The following LUZP2 variants were observed in gnomAD, a reference collection of about 807,000 sequenced individuals.
LUZP2 encodes the protein leucine zipper protein 2.
LUZP2 carries 52 observed loss-of-function variants against 51.6 expected under a neutral mutation model. That is an observed-to-expected ratio of 1.01 (90% CI 0.81 to 1.27). The LOEUF (loss-of-function observed/expected upper bound fraction) is 1.27, where lower values mean the gene tolerates loss of function less well. LUZP2 is among the 50% of genes most tolerant of loss of function. The pLI, the probability that LUZP2 is intolerant of heterozygous loss-of-function variation, is 0.00. For missense variants in LUZP2, 436 were observed against 395.4 expected, an observed-to-expected ratio of 1.10 and a Z score of -0.87; for synonymous variants, 154 against 137.3, an observed-to-expected ratio of 1.12 and a Z score of -0.85.
At chr11:24,879,096 C>T (rs1328398102) in intron 5 of LUZP2, among the ~76,000 whole-genome samples, 2 of 152,050 alleles carry the variant, frequency 1.3e-5, no homozygotes, top group Non-Finnish European at 2.9e-5. Context: ...AGGCGCCCAC[C>T]ACCATGCCCG....
intron 1 of LUZP2, among the ~76,000 whole-genome samples, chr11:24,499,983 A>C (rs1849943443): frequency 6.6e-6 from 1 of 152,148 alleles, no homozygotes; most frequent in Non-Finnish European, 1.5e-5. Context: ...TTTAAACAGA[A>C]ATTTTTGAAT....
chr11:24,705,431 G>A (rs999557532), intron 1 of LUZP2, among the ~76,000 whole-genome samples: 2 of 152,106 alleles, frequency 1.3e-5, no homozygotes, highest in South Asian at 2.1e-4. Context: ...ATGAAATTCC[G>A]GAACAGTATA....
intron 5 of LUZP2, among the ~76,000 whole-genome samples, chr11:24,894,453 G>T (rs1309911621): frequency 6.6e-6 from 1 of 152,102 alleles, no homozygotes; most frequent in Non-Finnish European, 1.5e-5. Context: ...GGGATTACAG[G>T]CATGAGCCAC....
At chr11:25,063,016 A>C (rs1164325918) in intron 10 of LUZP2, among the ~76,000 whole-genome samples, 1 of 150,474 alleles carries the variant, frequency 6.6e-6, no homozygotes, top group Non-Finnish European at 1.5e-5. Context: ...TAAATTTTGT[A>C]TTTTTTTTCA....
intron 10 of LUZP2, among the ~76,000 whole-genome samples, chr11:25,053,510 C>T (rs988266): frequency 0.37 from 55,440 of 150,370 alleles, 12,466 homozygotes; most frequent in East Asian, 0.78. Flanking sequence ...AGTTTCAGAA[C>T]ATTTTCATCT....
At chr11:24,950,927 GT>G (rs941703648) in intron 7 of LUZP2, among the ~76,000 whole-genome samples, 6 of 150,444 alleles carry the variant, frequency 4.0e-5, no homozygotes, top group East Asian at 2.0e-4. Context: ...AAGTTTTTTA[GT>G]TTTTTTTTGT....
chr11:24,526,708 A>T (rs190518585), intron 1 of LUZP2, among the ~76,000 whole-genome samples: 2 of 151,384 alleles, frequency 1.3e-5, no homozygotes, highest in African/African-American at 4.8e-5. Flanking sequence ...TTTTATTTCT[A>T]TTTAAGAACC....
At chr11:24,910,969 T>C (rs1853614579) in intron 6 of LUZP2, among the ~76,000 whole-genome samples, 1 of 152,154 alleles carries the variant, frequency 6.6e-6, no homozygotes, top group South Asian at 2.1e-4. Flanking sequence ...TGCACAAGGC[T>C]ATGCGAGTCC....
rs192842067 is a variant in LUZP2 at position 24,782,045 on chromosome 11, A to T, written c.396+18737A>T. On this transcript the variant is annotated intron_variant, in intron 5 of 11. Transcript: ENST00000336930. ...ATGGGTAGGTGCTGACTGGCTACTA[A>T]CAATCATTCAGAGAGCTTCTTTAAT... Among the ~76,000 whole-genome samples, 266 of 152,212 alleles carry T rather than the reference A, an allele frequency of 1.7e-3. 2 individuals are homozygous for T. Among genetic ancestry groups the T allele is most frequent in the South Asian group, 3.7e-3 (18 of 4,824 alleles).
chr11:24,968,044 G>T (rs187745773), intron 7 of LUZP2, among the ~76,000 whole-genome samples: 12 of 152,092 alleles, frequency 7.9e-5, no homozygotes, highest in South Asian at 2.1e-4. Context: ...ATTTGTGTAC[G>T]GTTTGTTTTA....
chr11:24,525,615 A>G (rs1189603467), intron 1 of LUZP2, among the ~76,000 whole-genome samples: 1 of 151,292 alleles, frequency 6.6e-6, no homozygotes. Context: ...CCAGGGAAAG[A>G]TAATAACAAT....
chr11:24,598,447 T>C (rs556607592), intron 1 of LUZP2, among the ~76,000 whole-genome samples: 60 of 152,092 alleles, frequency 3.9e-4, no homozygotes, highest in Middle Eastern at 3.4e-3. Context: ...GAAGATGTAA[T>C]AGAGGGCTTC....
chr11:24,708,222 A>C (rs34615540), intron 1 of LUZP2, among the ~76,000 whole-genome samples: 16,415 of 152,234 alleles, frequency 0.11, 1,092 homozygotes, highest in East Asian at 0.21. Flanking sequence ...CATATCCAAC[A>C]GGGTGAATAT....
intron 1 of LUZP2, among the ~76,000 whole-genome samples, chr11:24,693,235 T>C (rs1857134533): frequency 6.6e-6 from 1 of 151,710 alleles, no homozygotes; most frequent in African/African-American, 2.4e-5. Context: ...TTAAGCATGG[T>C]TTTTATACAG....
At chr11:24,786,512 T>C (rs1590524507) in intron 5 of LUZP2, 47 of 922,294 alleles carry the variant, frequency 5.1e-5, no homozygotes, top group Non-Finnish European at 6.1e-5. Flanking sequence ...GAATAAAATA[T>C]GTGTATATTT....
At chr11:24,727,103 A>C (rs891665169) in intron 1 of LUZP2, among the ~76,000 whole-genome samples, 1 of 152,116 alleles carries the variant, frequency 6.6e-6, no homozygotes, top group Non-Finnish European at 1.5e-5. Flanking sequence ...TCAAATATGA[A>C]GGTGAAATGA....
At chr11:25,066,273 G>T (rs1858996438) in intron 10 of LUZP2, among the ~76,000 whole-genome samples, 2 of 151,882 alleles carry the variant, frequency 1.3e-5, no homozygotes, top group Non-Finnish European at 2.9e-5. Context: ...TCCAGTGATG[G>T]TCTCAGTGGA....
At chr11:24,557,769 C>T (rs1851914906) in intron 1 of LUZP2, among the ~76,000 whole-genome samples, 1 of 152,006 alleles carries the variant, frequency 6.6e-6, no homozygotes, top group African/African-American at 2.4e-5. Flanking sequence ...GTTTGTACTG[C>T]ATATTTAGAT....
intron 1 of LUZP2, among the ~76,000 whole-genome samples, chr11:24,593,175 G>C (rs971468690): frequency 1.3e-5 from 2 of 152,002 alleles, no homozygotes; most frequent in African/African-American, 4.8e-5. Flanking sequence ...ACTTTCCTCT[G>C]CTCCGAACTC....
Sources: allele counts gnomAD v4.1 joint callset (sites outside exome capture counted in the v4.1 genomes callset), GRCh38; gene constraint gnomAD v4.1.1; transcripts MANE v1.5; gene names NCBI Gene and HGNC (gene_info 2026-07-23, HGNC 2026-07-21).